Variants in TEX11 observed in about 807,000 individuals in gnomAD.
TEX11 encodes the protein testis-expressed protein 11.
In TEX11, 7 loss-of-function variants were observed where a neutral mutation model predicts 84.4. The observed-to-expected ratio is 0.08, with a 90% CI of 0.05 to 0.16. TEX11 has a LOEUF of 0.16. Among genes scored for constraint, TEX11 ranks in the 10% least tolerant of loss-of-function variants. TEX11 has a pLI of 1.00. For missense variants in TEX11, 551 were observed against 660.5 expected (o/e 0.83, Z 1.82); for synonymous variants, 264 against 222.8 (o/e 1.18, Z -1.64).
chrX:70,513,984 T>A, the TEX11 span, among the ~76,000 whole-genome samples: 1 of 109,374 alleles, frequency 9.1e-6, no homozygotes, highest in Non-Finnish European at 1.9e-5. Flanking sequence ...CAGCTTCAGC[T>A]GTCTTGGTAT....
intron 17 of TEX11, among the ~76,000 whole-genome samples, chrX:70,647,688 G>A (rs1381697598): frequency 2.7e-5 from 3 of 110,100 alleles, no homozygotes; most frequent in East Asian, 2.8e-4. Context: ...AATAAAAAAA[G>A]GATGTGAGGT....
At chrX:70,652,694 A>C (rs1164648281) in intron 16 of TEX11, among the ~76,000 whole-genome samples, 2 of 111,995 alleles carry the variant, frequency 1.8e-5, no homozygotes, top group Non-Finnish European at 3.8e-5. Flanking sequence ...GAAACAAAGA[A>C]GCTTTTTGAA....
chrX:70,639,613 T>C (rs2089624569), intron 17 of TEX11, among the ~76,000 whole-genome samples: 1 of 111,713 alleles, frequency 9.0e-6, no homozygotes. Flanking sequence ...CCCTGACCCC[T>C]GACCCCCAAG....
At chrX:70,699,735 GTCATCATCATCA>G (rs758637956) in intron 13 of TEX11, among the ~76,000 whole-genome samples, 1 of 110,136 alleles carries the variant, frequency 9.1e-6, no homozygotes, top group Non-Finnish European at 1.9e-5. Flanking sequence ...TCTGTTTATG[GTCATCATCATCA>G]TCATCATCAT....
chrX:70,880,288 C>A (rs2091675975), intron 2 of TEX11, among the ~76,000 whole-genome samples, 179 bp from the exon 3 acceptor site: 1 of 112,201 alleles, frequency 8.9e-6, no homozygotes, highest in Non-Finnish European at 1.9e-5. Flanking sequence ...GTATAATTTT[C>A]AAATAAAATT....
intron 9 of TEX11, among the ~76,000 whole-genome samples, chrX:70,771,634 A>G (rs1194610462): frequency 8.9e-6 from 1 of 112,621 alleles, no homozygotes; most frequent in Non-Finnish European, 1.9e-5. Flanking sequence ...TCCATAATAC[A>G]TATTTTTGTG....
intron 13 of TEX11, among the ~76,000 whole-genome samples, chrX:70,699,965 A>G (rs1173773829): frequency 9.0e-6 from 1 of 111,706 alleles, no homozygotes; most frequent in African/African-American, 3.3e-5. Context: ...AATCCCATGT[A>G]CCCTCACCCA....
chrX:70,546,014 A>G (rs181959889), intron 28 of TEX11, among the ~76,000 whole-genome samples: 29 of 112,218 alleles, frequency 2.6e-4, no homozygotes, highest in Admixed American at 5.7e-4. Context: ...TTAATGTTTT[A>G]TAGCTCTCTT....
intron 9 of TEX11, among the ~76,000 whole-genome samples, chrX:70,768,518 A>C (rs2147775529): frequency 9.1e-6 from 1 of 110,461 alleles, no homozygotes; most frequent in East Asian, 2.8e-4. Flanking sequence ...ATGACTGGGG[A>C]GGCCTCGGGA....
At chrX:70,679,703 C>T (rs1449754077) in intron 14 of TEX11, among the ~76,000 whole-genome samples, 1 of 109,510 alleles carries the variant, frequency 9.1e-6, no homozygotes, top group Non-Finnish European at 1.9e-5. Flanking sequence ...GCGTCTCTGC[C>T]CGGCAGCCAC....
chrX:70,833,309 G>GA (rs1217068977), intron 8 of TEX11, among the ~76,000 whole-genome samples: 8 of 106,753 alleles, frequency 7.5e-5, no homozygotes, highest in Non-Finnish European at 1.2e-4. Context: ...GAAAAGAAAA[G>GA]AAAAAAAAGA....
chrX:70,842,185 G>A (rs1286514025), intron 7 of TEX11, among the ~76,000 whole-genome samples: 3 of 111,163 alleles, frequency 2.7e-5, no homozygotes, highest in Admixed American at 9.6e-5. Flanking sequence ...CAAAAAAAGA[G>A]AATTTTAGAC....
At chrX:70,523,527 G>A in the TEX11 span, among the ~76,000 whole-genome samples, 3 of 110,996 alleles carry the variant, frequency 2.7e-5, no homozygotes, top group South Asian at 7.6e-4. Flanking sequence ...GCAGTGGCGC[G>A]ATCTCGGCTC....
At chrX:70,876,131 A>C (rs1016662608) in intron 3 of TEX11, among the ~76,000 whole-genome samples, 1 of 112,748 alleles carries the variant, frequency 8.9e-6, no homozygotes, top group Admixed American at 9.4e-5. Flanking sequence ...TATTCTTTCA[A>C]CTTTTCTGTT....
intron 26 of TEX11, among the ~76,000 whole-genome samples, chrX:70,554,288 A>G (rs2088257212): frequency 8.9e-6 from 1 of 112,161 alleles, no homozygotes; most frequent in South Asian, 3.7e-4. Flanking sequence ...ATTTCTAGCT[A>G]GCCCAGAAAA....
chrX:70,731,875 C>A (rs1291886132), intron 11 of TEX11, among the ~76,000 whole-genome samples: 1 of 111,385 alleles, frequency 9.0e-6, no homozygotes, highest in Non-Finnish European at 1.9e-5. Flanking sequence ...GACCAATATC[C>A]CTGATGAACA....
intron 12 of TEX11, among the ~76,000 whole-genome samples, chrX:70,723,691 C>T: frequency 9.0e-6 from 1 of 111,316 alleles, no homozygotes; most frequent in Non-Finnish European, 1.9e-5. Context: ...GATGGTAGGA[C>T]CATGAGAATT....
At chrX:70,719,823 C>T (rs750500238) in intron 13 of TEX11, among the ~76,000 whole-genome samples, 1,358 of 111,268 alleles carry the variant, frequency 0.012, 14 homozygotes, top group African/African-American at 0.042. Context: ...CAATGAGATA[C>T]CATCTCACAC....
intron 13 of TEX11, among the ~76,000 whole-genome samples, chrX:70,709,148 T>C (rs982189520): frequency 9.0e-6 from 1 of 111,007 alleles, no homozygotes; most frequent in Non-Finnish European, 1.9e-5. Flanking sequence ...AATACGAATG[T>C]CCTACAAAAT....
Sources: allele counts gnomAD v4.1 joint callset (sites outside exome capture counted in the v4.1 genomes callset), GRCh38; gene constraint gnomAD v4.1.1; transcripts MANE v1.5; gene names NCBI Gene and HGNC (gene_info 2026-07-23, HGNC 2026-07-21).